The following EDDM13 variants were observed in gnomAD, a reference collection of about 807,000 sequenced individuals.
EDDM13 encodes epididymal protein 13.
In EDDM13, 24 loss-of-function variants were observed where a neutral mutation model predicts 17.8. The observed-to-expected ratio is 1.35, with a 90% CI of 0.98 to 1.90. The LOEUF is 1.90. Ranked by LOEUF, EDDM13 falls within the 40% of genes most tolerant of loss-of-function variation. The pLI, the probability that EDDM13 is intolerant of heterozygous loss-of-function variation, is 0.00. For missense variants in EDDM13, 97 were observed against 100.8 expected, an observed-to-expected ratio of 0.96 and a Z score of 0.16; for synonymous variants, 31 against 37.5, an observed-to-expected ratio of 0.83 and a Z score of 0.63.
chr19:56,281,709 T>C lies in EDDM13; in HGVS notation c.109+11T>C, dbSNP rs1427693835. The C allele has an allele frequency of 2.0e-6, 2 of 985,150 alleles. No homozygotes were observed. Among genetic ancestry groups the C allele is most frequent in the South Asian group, 4.7e-5 (1 of 21,268 alleles). 61.0% of individuals were successfully genotyped at this position (985,150 alleles called of 1,614,324 possible). The stretch of plus-strand genomic sequence containing the variant: ...CCCTTCCAGTCAACTGTAAGTCATA[T>C]CTCCTTCTCCCTACATAAATGGGGA... On this transcript the variant is annotated intron_variant, in intron 3 of 14. Transcript: ENST00000649256.
chr19:56,295,454 G>C (rs2039806433), intron 9 of EDDM13, among the ~76,000 whole-genome samples: 1 of 152,024 alleles, frequency 6.6e-6, no homozygotes, highest in African/African-American at 2.4e-5. Flanking sequence ...AATTAGCCGG[G>C]TGTGGTTGCG....
intron 11 of EDDM13, 58 bp downstream of exon 11, chr19:56,296,420 T>TG (rs968158799): frequency 2.2e-5 from 3 of 139,468 alleles, no homozygotes; most frequent in Non-Finnish European, 4.7e-5. Context: ...ATACAGGTAC[T>TG]GGTTTTTTCT....
At chr19:56,297,069 C>CA (rs35746489) in intron 11 of EDDM13, among the ~76,000 whole-genome samples, 67,427 of 145,310 alleles carry the variant, frequency 0.46, 15,850 homozygotes, top group Non-Finnish European at 0.53. Context: ...AACTCTGTCT[C>CA]AAAAAAAAAA....
rs140171587 is a variant in EDDM13 at position 56,273,263 on chromosome 19, T to C, written c.85+344T>C. On this transcript the variant is annotated intron_variant, in intron 1 of 14. Coordinates refer to ENST00000649256, the MANE Select transcript of EDDM13 (RefSeq NM_001354658.2). ...GTTGCATGTCATTGACGAGCTTACG[T>C]TGTGCAGTGCCTGGAAGTCAACATT... 2.4e-4 allele frequency among the ~76,000 whole-genome samples: 36 copies of C among 152,318 alleles called. No homozygotes were observed. In the South Asian group the frequency reaches 6.6e-3, roughly 28 times the overall value.
chr19:56,279,487 T>A (rs10419598), intron 2 of EDDM13, among the ~76,000 whole-genome samples: 118,999 of 152,120 alleles, frequency 0.78, 47,994 homozygotes, highest in Non-Finnish European at 0.89. Flanking sequence ...GATAAAAGGA[T>A]CCAATATTAA....
At chr19:56,280,169 C>CA (rs2038581311) in intron 2 of EDDM13, among the ~76,000 whole-genome samples, 2 of 152,124 alleles carry the variant, frequency 1.3e-5, no homozygotes, top group South Asian at 4.1e-4. Context: ...TCTATTTTTA[C>CA]AAAAAAGACA....
intron 6 of EDDM13, 40 bp downstream of exon 6, chr19:56,285,064 C>G (rs1354579066): frequency 1.0e-6 from 1 of 975,042 alleles, no homozygotes; most frequent in Non-Finnish European, 1.2e-6. Context: ...TGGTCTTTCT[C>G]TTGTCCGCAA....
intron 12 of EDDM13, chr19:56,298,101 G>C (rs987544141): frequency 6.7e-6 from 1 of 149,588 alleles, no homozygotes; most frequent in African/African-American, 2.5e-5. Context: ...CAACACTAAT[G>C]GTTGGTTCTT....
intron 12 of EDDM13, among the ~76,000 whole-genome samples, chr19:56,300,596 T>A (rs542074397): frequency 6.6e-6 from 1 of 152,346 alleles, no homozygotes; most frequent in African/African-American, 2.4e-5. Flanking sequence ...TTGAAAAAGA[T>A]TAGTGTAAAC....
At chr19:56,286,325 TTTTA>T (rs2039121702) in intron 6 of EDDM13, 1 of 152,080 alleles carries the variant, frequency 6.6e-6, no homozygotes, top group African/African-American at 2.4e-5. Flanking sequence ...GACCCAAACT[TTTTA>T]TTTTTGATAA....
chr19:56,277,202 GA>G (rs1394130639), intron 2 of EDDM13, among the ~76,000 whole-genome samples: 2 of 152,184 alleles, frequency 1.3e-5, no homozygotes, highest in Non-Finnish European at 2.9e-5. Context: ...CAAGATAAAT[GA>G]AACGTAAGTC....
At chr19:56,295,523 A>T (rs895525628) in intron 9 of EDDM13, among the ~76,000 whole-genome samples, 2 of 152,000 alleles carry the variant, frequency 1.3e-5, no homozygotes, top group African/African-American at 2.4e-5. Context: ...TGAACCCGGG[A>T]GGCAGAAGTT....
At chr19:56,303,071 C>G (rs35056636) in intron 13 of EDDM13, 41,526 of 393,338 alleles carry the variant, frequency 0.11, 2,546 homozygotes, top group Middle Eastern at 0.19. Context: ...GACACCTCTG[C>G]TGTGGGTTAA....
chr19:56,288,634 C>T (rs994385108), intron 7 of EDDM13, among the ~76,000 whole-genome samples, 196 bp downstream of exon 7: 7 of 152,210 alleles, frequency 4.6e-5, no homozygotes, highest in Non-Finnish European at 7.3e-5. Flanking sequence ...ATGCCCAGCA[C>T]ACAGGAGATG....
chr19:56,288,491 C>G (rs553644027), intron 7 of EDDM13, among the ~76,000 whole-genome samples, 53 bp downstream of exon 7: 1 of 152,290 alleles, frequency 6.6e-6, no homozygotes, highest in East Asian at 1.9e-4. Context: ...CAGGTCTACC[C>G]AGAATACTCA....
At chr19:56,292,656 G>C (rs2039596462) in intron 9 of EDDM13, among the ~76,000 whole-genome samples, 1 of 151,692 alleles carries the variant, frequency 6.6e-6, no homozygotes, top group Non-Finnish European at 1.5e-5. Flanking sequence ...CATCACCACT[G>C]ACTCCAGAAC....
chr19:56,286,197 T>C (rs2039108345), intron 6 of EDDM13, among the ~76,000 whole-genome samples: 1 of 151,776 alleles, frequency 6.6e-6, no homozygotes, highest in South Asian at 2.1e-4. Context: ...AATTTTTGTA[T>C]TATTAGTAGA....
At chr19:56,282,526 C>T in intron 4 of EDDM13, 27 bp downstream of exon 4, 1 of 985,268 alleles carries the variant, frequency 1.0e-6, no homozygotes, top group Non-Finnish European at 1.2e-6. Flanking sequence ...ATCTCTTTCC[C>T]TTTGGGGTCT....
intron 12 of EDDM13, among the ~76,000 whole-genome samples, chr19:56,300,984 A>C (rs941702781): frequency 1.3e-5 from 2 of 152,104 alleles, no homozygotes; most frequent in Non-Finnish European, 2.9e-5. Context: ...TGAGAAAGAG[A>C]AAGGATGGCG....
Sources: gnomAD v4.1 joint callset for allele counts (sites outside exome capture counted in the v4.1 genomes callset) on GRCh38, gnomAD v4.1.1 for gene constraint, MANE v1.5 for transcripts, NCBI Gene and HGNC (gene_info 2026-07-23, HGNC 2026-07-21) for gene names.